The following SLC35B1 variants were observed in gnomAD, a reference collection of about 807,000 sequenced individuals.
SLC35B1 encodes the protein solute carrier family 35 member B1.
A neutral mutation model predicts 36.6 loss-of-function variants in SLC35B1; 27 were observed. The ratio of observed to expected loss-of-function variants is 0.74; its 90% CI spans 0.54 to 1.02. The LOEUF (loss-of-function observed/expected upper bound fraction) is 1.02. Among genes scored for constraint, SLC35B1 ranks in the 50% least tolerant of loss-of-function variants. The probability of loss-of-function intolerance (pLI) is 0.00; values close to 1 mark genes in which losing one functional copy is unlikely to be tolerated. For synonymous variants in SLC35B1, 162 were observed against 152.5 expected (o/e 1.06, Z -0.46); for missense variants, 321 against 383.2 (o/e 0.84, Z 1.35).
intron 5 of SLC35B1, among the ~76,000 whole-genome samples, chr17:49,704,840 T>C (rs2073395965): frequency 6.6e-6 from 1 of 152,236 alleles, no homozygotes. Context: ...AGAGACATTA[T>C]TCCTTCCCTC....
At chr17:49,706,071 A>T in intron 3 of SLC35B1, 133 bp downstream of exon 3, 1 of 1,329,230 alleles carries the variant, frequency 7.5e-7, no homozygotes, top group Non-Finnish European at 1.0e-6. Flanking sequence ...CTATGGTTCT[A>T]TACACTCCCA....
chr17:49,703,527 AAGTTAATG>A, intron 6 of SLC35B1: 1 of 460,672 alleles, frequency 2.2e-6, no homozygotes, highest in Non-Finnish European at 4.0e-6. Flanking sequence ...AAAGGCTTGA[AAGTTAATG>A]AGTTACTTCT....
intron 2 of SLC35B1, 128 bp from the exon 3 acceptor site, chr17:49,706,462 T>A: frequency 2.3e-6 from 2 of 873,326 alleles, no homozygotes; most frequent in Non-Finnish European, 3.3e-6. Flanking sequence ...AACTTGTCTG[T>A]CAAACAAGAC....
rs774259473 is a variant in SLC35B1 at position 49,707,914 on chromosome 17, G to T, written c.-81C>A. The T allele has an allele frequency of 6.3e-7, 1 of 1,581,324 alleles. No individual in the cohort carries two copies. On this transcript the variant is annotated 5_prime_UTR_variant, in exon 1 of 9. Transcript: ENST00000240333. ...GGCGGCGGAGGCGACAGCTCCAGCC[G>T]GACATCGCCGACCGGCGGCAGGGGC...
rs1367157242 is a variant in SLC35B1, at chr17:49,702,954, T to C, written c.820A>G (p.Thr274Ala). The C allele has an allele frequency of 6.2e-7, 1 of 1,613,916 alleles. No homozygotes were observed. The highest frequency in any genetic ancestry group is 8.5e-7 in the Non-Finnish European group (1 of 1,180,018). The change falls in exon 8 of 9, where the codon ACA (threonine) becomes GCA (alanine). Residue 274 changes from threonine (T) to alanine (A), a missense_variant. By Grantham distance (58) the Thr-to-Ala change is moderately conservative (BLOSUM62 0). Coordinates refer to ENST00000240333, the MANE Select transcript of SLC35B1 (RefSeq NM_005827.4). The stretch of plus-strand genomic sequence containing the variant: ...AAAATTGTGAAGAACTTTCGAGTTG[T>C]AGTGATGATGGAGCAGGTCAGGGGA... ...FGPLTCSIIT[T>A]TRKFFTILAS...
intron 1 of SLC35B1, 96 bp downstream of exon 1, chr17:49,707,631 CAGG>C: frequency 6.8e-7 from 1 of 1,469,306 alleles, no homozygotes; most frequent in Non-Finnish European, 9.2e-7. Flanking sequence ...GACAGCCGGG[CAGG>C]AGGACAAGAG....
chr17:49,705,150 T>C lies in SLC35B1; in HGVS notation c.502A>G (p.Thr168Ala), dbSNP rs762904474. ...PKKVVGIEEH[T>A]VGYGELLLLL... ...AAGAGTAGCTCTCCATAGCCGACTG[T>C]GTGTTCTTCTATCCCAACAACTTTC... The change falls in exon 5 of 9, where the codon ACA becomes GCA. Residue 168 changes from threonine (T) to alanine (A), a missense_variant. Thr to Ala is a moderately conservative substitution (Grantham distance 58). Transcript: ENST00000240333. 6.2e-7 allele frequency: 1 copy of C among 1,614,180 alleles called. No homozygotes were observed. Among genetic ancestry groups the C allele is most frequent in the Non-Finnish European group, 8.5e-7 (1 of 1,180,026 alleles).
chr17:49,701,397 A>G lies in SLC35B1; in HGVS notation c.*61T>C. The G allele has an allele frequency of 7.5e-7, 1 of 1,324,898 alleles. No individual in the cohort carries two copies. The highest frequency in any genetic ancestry group is 1.2e-5 in the South Asian group (1 of 84,640). The allele number at this position is 1,324,898 out of a possible 1,614,324, so 82.1% of individuals were successfully genotyped here. A position where few individuals can be genotyped will look rare whatever the true frequency, so the allele number is the denominator to read the frequency against. On this transcript the variant is annotated 3_prime_UTR_variant, in exon 9 of 9. Coordinates refer to ENST00000240333, the MANE Select transcript of SLC35B1 (RefSeq NM_005827.4). ...TTCCTATTAAGTCCATTTTCCCAAG[A>G]GATGTCACTGTTTGAGATAATAACT...
rs750602440 is a variant in SLC35B1, at chr17:49,702,815, A to G, written c.916+43T>C. 4 of 1,550,430 alleles carry G rather than the reference A, an allele frequency of 2.6e-6. No homozygotes were observed. In the South Asian group the frequency reaches 3.6e-5, roughly 14 times the overall value. Reference sequence around the variant, plus strand: ...CATAAATATACAAGTAAATTTTAGGAGAAAAAATTCAGCTGTCACTGTGTC... The same window carrying G: ...CATAAATATACAAGTAAATTTTAGGGGAAAAAATTCAGCTGTCACTGTGTC... On this transcript the variant is annotated intron_variant, in intron 8 of 8. Transcript: ENST00000240333.
Position 49,707,146 on chromosome 17 carries a change from T to G in SLC35B1, c.105-78A>C. ...TGTCATCTAATATATCCCGAGCCAC[T>G]GAAAACTTTAAAATTATCTTGCCTC... On this transcript the variant is annotated intron_variant, in intron 1 of 8. Transcript: ENST00000240333. 4.2e-6 allele frequency: 6 copies of G among 1,432,360 alleles called. No individual in the cohort carries two copies. In the South Asian group the frequency reaches 6.9e-5, roughly 17 times the overall value. The allele number at this position is 1,432,360 out of a possible 1,614,324, so 88.7% of individuals were successfully genotyped here. A position where few individuals can be genotyped will look rare whatever the true frequency, so the allele number is the denominator to read the frequency against.
chr17:49,708,192 T>A, upstream of SLC35B1: 1 of 623,198 alleles, frequency 1.6e-6, no homozygotes, highest in Non-Finnish European at 2.9e-6. Flanking sequence ...CACCACAGGG[T>A]GTCCTAGAGC....
At chr17:49,705,024 A>G in intron 5 of SLC35B1, 100 bp downstream of exon 5, 1 of 1,202,968 alleles carries the variant, frequency 8.3e-7, no homozygotes, top group Non-Finnish European at 1.2e-6. Context: ...GAGCACCACA[A>G]CCTCCCTTGA....
Position 49,707,922 on chromosome 17 carries a change from C to A in SLC35B1, c.-89G>T, listed in dbSNP as rs775674362. On this transcript the variant is annotated 5_prime_UTR_variant, in exon 1 of 9. Coordinates refer to ENST00000240333, the MANE Select transcript of SLC35B1 (RefSeq NM_005827.4). ...AGGCGACAGCTCCAGCCGGACATCG[C>A]CGACCGGCGGCAGGGGCCTCATAGG... is the stretch of plus-strand genomic sequence containing the variant. 6.4e-7 allele frequency: 1 copy of A among 1,572,920 alleles called. No individual in the cohort carries two copies. Among genetic ancestry groups the A allele is most frequent in the Admixed American group, 1.9e-5 (1 of 52,334 alleles).
chr17:49,706,900 T>A, intron 2 of SLC35B1, 65 bp downstream of exon 2: 1 of 1,135,978 alleles, frequency 8.8e-7, no homozygotes, highest in South Asian at 1.2e-5. Flanking sequence ...CAATGCTTAA[T>A]GCCCAGCATA....
At chr17:49,706,129 C>G in intron 3 of SLC35B1, 75 bp downstream of exon 3, 1 of 1,041,254 alleles carries the variant, frequency 9.6e-7, no homozygotes, top group Non-Finnish European at 1.4e-6. Context: ...TTTTAACTCA[C>G]AGACCTGAGG....
chr17:49,707,538 A>G, intron 1 of SLC35B1, 192 bp downstream of exon 1: 1 of 1,490,542 alleles, frequency 6.7e-7, no homozygotes, highest in Non-Finnish European at 8.9e-7. Flanking sequence ...CCAAGTCCGA[A>G]GAATCCAGAA....
At chr17:49,702,691 G>C in intron 8 of SLC35B1, 167 bp downstream of exon 8, 1 of 662,214 alleles carries the variant, frequency 1.5e-6, no homozygotes, top group South Asian at 2.2e-5. Flanking sequence ...TTGGTGAGCT[G>C]AGATCGTACC....
intron 3 of SLC35B1, 41 bp from the exon 4 acceptor site, chr17:49,705,937 T>C (rs750402544): frequency 8.1e-6 from 13 of 1,602,236 alleles, no homozygotes; most frequent in South Asian, 1.1e-5. Context: ...GCATCTGTGA[T>C]GTGTCAGGTA....
At chr17:49,705,802 G>A (rs1404311336) in intron 4 of SLC35B1, 64 bp downstream of exon 4, 1 of 1,494,106 alleles carries the variant, frequency 6.7e-7, no homozygotes, top group Non-Finnish European at 9.3e-7. Context: ...CACAGTTGTA[G>A]CAGAGAGAGA....
Sources: gnomAD v4.1 joint callset for allele counts (sites outside exome capture counted in the v4.1 genomes callset) on GRCh38, gnomAD v4.1.1 for gene constraint, MANE v1.5 for transcripts, NCBI Gene and HGNC (gene_info 2026-07-23, HGNC 2026-07-21) for gene names.